EYA3: variants seen among roughly 807,000 people sequenced by gnomAD.
EYA3 encodes the protein EYA transcriptional coactivator and phosphatase 3.
In EYA3, 39 loss-of-function variants were observed where a neutral mutation model predicts 80.0. That is an observed-to-expected ratio of 0.49 (90% CI 0.38 to 0.64). EYA3 has a LOEUF of 0.64. Ranked by LOEUF, EYA3 falls within the 30% of genes least tolerant of loss-of-function variation. The pLI is 0.00. For missense variants in EYA3, 523 were observed against 676.1 expected (o/e 0.77, Z 2.51); for synonymous variants, 206 against 232.8 (o/e 0.88, Z 1.05).
intron 17 of EYA3, chr1:27,977,285 T>C (rs1474870707): frequency 2.6e-6 from 4 of 1,548,260 alleles, no homozygotes; most frequent in Admixed American, 4.0e-5. Context: ...ACCAATCTCA[T>C]AGTTTATTAT....
intron 7 of EYA3, among the ~76,000 whole-genome samples, chr1:28,023,645 C>A (rs1642592178): frequency 6.6e-6 from 1 of 152,042 alleles, no homozygotes; most frequent in South Asian, 2.1e-4. Context: ...TCATTAAAAG[C>A]AAGGAAAAGC....
At chr1:28,040,141 T>C (rs942863091) in intron 4 of EYA3, among the ~76,000 whole-genome samples, 2 of 152,178 alleles carry the variant, frequency 1.3e-5, no homozygotes, top group Non-Finnish European at 1.5e-5. Flanking sequence ...TCCATTATAC[T>C]ATAGAAGAAT....
At chr1:27,991,525 G>A (rs745923817) in intron 14 of EYA3, among the ~76,000 whole-genome samples, 6 of 151,958 alleles carry the variant, frequency 3.9e-5, no homozygotes, top group Non-Finnish European at 5.9e-5. Flanking sequence ...CTACAGTGAA[G>A]GTTAAAAAAA....
chr1:28,030,124 C>T (rs546041047), intron 6 of EYA3, among the ~76,000 whole-genome samples: 34 of 152,288 alleles, frequency 2.2e-4, no homozygotes, highest in Non-Finnish European at 3.8e-4. Context: ...CCAATGAACA[C>T]ATATATGCAA....
At chr1:27,990,060 C>G in intron 14 of EYA3, 1 of 197,026 alleles carries the variant, frequency 5.1e-6, no homozygotes, top group Non-Finnish European at 1.0e-5. Flanking sequence ...GGACCAACAG[C>G]CCCAGGGTGC....
chr1:28,029,208 T>C (rs568827934), intron 6 of EYA3, among the ~76,000 whole-genome samples: 71 of 152,360 alleles, frequency 4.7e-4, no homozygotes, highest in Non-Finnish European at 8.1e-4. Flanking sequence ...CCTTCCTGCC[T>C]TCTGAGCAAG....
At chr1:28,022,121 T>C (rs1325831516) in intron 7 of EYA3, among the ~76,000 whole-genome samples, 1 of 152,178 alleles carries the variant, frequency 6.6e-6, no homozygotes, top group Non-Finnish European at 1.5e-5. Context: ...AGGAGCTTAG[T>C]AAATCAAAAT....
chr1:28,004,418 C>A lies in EYA3; in HGVS notation c.911G>T (p.Arg304Leu). The change falls in exon 11 of 18, where the codon CGG becomes CTG. Residue 304 changes from arginine to leucine, a missense_variant and splice_region_variant. Physicochemically the swap from Arg to Leu is moderately radical, Grantham distance 102. Around this residue, in one of 2 missense-constraint regions of EYA3, gnomAD observed 219 missense variants for 332.8 expected, o/e 0.66. Transcript: ENST00000373871. ...ATSSQDSELERVFLWDLDETI... is the reference protein window; with the variant it reads ...ATSSQDSELELVFLWDLDETI... ...TTCATCCAAGTCCCACAGAAATACC[C>A]GCTGAGGAAAGAAAATATAAAAAAT... The A allele has an allele frequency of 1.2e-6, 2 of 1,602,846 alleles. No homozygotes were observed. Among genetic ancestry groups the A allele is most frequent in the Non-Finnish European group, 1.7e-6 (2 of 1,171,878 alleles).
chr1:27,982,544 T>C (rs546892714), intron 16 of EYA3, among the ~76,000 whole-genome samples: 3 of 152,262 alleles, frequency 2.0e-5, no homozygotes, highest in African/African-American at 7.2e-5. Context: ...AATCTTTATA[T>C]AGATATTACA....
chr1:28,011,110 T>C (rs775267588), intron 9 of EYA3, 24 bp from the exon 10 acceptor site: 11 of 1,607,350 alleles, frequency 6.8e-6, no homozygotes, highest in South Asian at 2.2e-5. Context: ...GTGAAACATA[T>C]GTTGTCAGGA....
intron 1 of EYA3, among the ~76,000 whole-genome samples, chr1:28,069,308 C>T (rs1325421646): frequency 6.6e-6 from 1 of 151,858 alleles, no homozygotes; most frequent in Non-Finnish European, 1.5e-5. Flanking sequence ...ACAGTCTCAC[C>T]ATGTTGCCCA....
chr1:28,016,266 A>T (rs6598918), intron 8 of EYA3, among the ~76,000 whole-genome samples: 2 of 151,928 alleles, frequency 1.3e-5, no homozygotes, highest in Admixed American at 6.6e-5. Context: ...GGTGGCTCAC[A>T]CCTGTAATCC....
intron 1 of EYA3, among the ~76,000 whole-genome samples, chr1:28,078,785 G>A (rs902479049): frequency 6.6e-6 from 1 of 151,850 alleles, no homozygotes; most frequent in African/African-American, 2.4e-5. Flanking sequence ...TTTTACAGAT[G>A]AGAAAACTAA....
Position 28,065,503 on chromosome 1 carries a change from C to T in EYA3, c.-68-7409G>A, listed in dbSNP as rs116352397. Reference sequence around the variant, plus strand: ...GACCAGGATAGTCTGGATCATGATCCGCCCGCCTCGGCCTCCCAAAGTGCT... The same window carrying T: ...GACCAGGATAGTCTGGATCATGATCTGCCCGCCTCGGCCTCCCAAAGTGCT... On this transcript the variant is annotated intron_variant, in intron 1 of 17. Transcript: ENST00000373871. Among the ~76,000 whole-genome samples the T allele has an allele frequency of 8.4e-3, 1,278 of 151,668 alleles. 23 individuals carry two copies. Among genetic ancestry groups the T allele is most frequent in the African/African-American group, 0.029 (1,206 of 41,422 alleles).
At position 28,027,918 on chromosome 1, in the gene EYA3, A is replaced by G; in HGVS notation, c.370T>C (p.Trp124Arg). The G allele has an allele frequency of 6.2e-7, 1 of 1,614,128 alleles. No homozygotes were observed. Among genetic ancestry groups the G allele is most frequent in the African/African-American group, 1.3e-5 (1 of 75,046 alleles). The change falls in exon 7 of 18, where the codon TGG (tryptophan) becomes CGG (arginine). Residue 124 changes from tryptophan to arginine, a missense_variant. This residue lies in a region of EYA3 where 304 missense variants were observed against 343.3 expected (regional missense o/e 0.89). Coordinates refer to ENST00000373871, the MANE Select transcript of EYA3 (RefSeq NM_001990.4). The part of the protein sequence containing the change: ...TYGLPPFGAL[W>R]PGMKPESGLI... ...CCACTTTCAGGTTTCATACCTGGCC[A>G]CAATGCACCTGAATCAGATAAATTG...
chr1:28,086,694 G>T (rs1239641281), intron 1 of EYA3, among the ~76,000 whole-genome samples: 1 of 152,194 alleles, frequency 6.6e-6, no homozygotes, highest in East Asian at 1.9e-4. Flanking sequence ...AAACCTGAAG[G>T]TAAGGAAGCA....
chr1:27,991,952 T>C (rs1220922206), intron 14 of EYA3, among the ~76,000 whole-genome samples: 1 of 152,004 alleles, frequency 6.6e-6, no homozygotes, highest in East Asian at 1.9e-4. Context: ...TGCAAAAAGA[T>C]GTGGAGTTAC....
At chr1:28,010,895 T>C (rs1641646477) in intron 10 of EYA3, 52 bp downstream of exon 10, 19 of 1,576,978 alleles carry the variant, frequency 1.2e-5, no homozygotes, top group Non-Finnish European at 1.5e-5. Context: ...TTTGATAAAC[T>C]TAAGAAGTGA....
At chr1:28,014,425 A>G (rs1056176593) in intron 8 of EYA3, among the ~76,000 whole-genome samples, 45 of 145,382 alleles carry the variant, frequency 3.1e-4, no homozygotes, top group Admixed American at 7.5e-4. Flanking sequence ...CTCAAAAAAA[A>G]AAAAAAAAAA....
Sources: gnomAD v4.1 joint callset for allele counts (sites outside exome capture counted in the v4.1 genomes callset) on GRCh38, gnomAD v4.1.1 for gene constraint, gnomAD v4.1.1 regional missense constraint, MANE v1.5 for transcripts, NCBI Gene and HGNC (gene_info 2026-07-23, HGNC 2026-07-21) for gene names.